TFRC: variants seen among roughly 807,000 people sequenced by gnomAD.
The protein encoded by TFRC is transferrin receptor.
In TFRC, 35 loss-of-function variants were observed where a neutral mutation model predicts 85.8. The observed-to-expected ratio is 0.41, with a 90% CI of 0.31 to 0.54. The LOEUF (loss-of-function observed/expected upper bound fraction) is 0.54. Ranked by LOEUF, TFRC falls within the 20% of genes least tolerant of loss-of-function variation. The probability of loss-of-function intolerance (pLI) is 0.31; values close to 1 mark genes in which losing one functional copy is unlikely to be tolerated. For synonymous variants in TFRC, 362 were observed against 328.6 expected, an observed-to-expected ratio of 1.10 and a Z score of -1.10; for missense variants, 828 against 921.5, an observed-to-expected ratio of 0.90 and a Z score of 1.31.
chr3:196,053,813 G>T (rs1389588254), intron 17 of TFRC, among the ~76,000 whole-genome samples: 1 of 152,138 alleles, frequency 6.6e-6, no homozygotes, highest in Non-Finnish European at 1.5e-5. Context: ...GTACTATATT[G>T]TTTCCAGTTC....
chr3:196,065,380 C>T (rs1221092777), intron 10 of TFRC, 63 bp downstream of exon 10: 1 of 1,055,918 alleles, frequency 9.5e-7, no homozygotes, highest in Non-Finnish European at 1.3e-6. Flanking sequence ...CTAGCCACAT[C>T]CTTAGGAACA....
Position 196,067,613 on chromosome 3 carries a change from G to A in TFRC, c.945C>T (p.Ser315=), listed in dbSNP as rs956503134. The A allele has an allele frequency of 1.2e-6, 2 of 1,614,130 alleles. No homozygotes were observed. The highest frequency in any genetic ancestry group is 2.2e-5 in the East Asian group (1 of 44,880). The part of the protein sequence containing the change: ...TGDPYTPGFP[S]FNHTQFPPSR... ...ATGGTGGAAACTGAGTGTGATTGAA[G>A]GAAGGGAATCCAGGTGTGTAAGGGT... The change falls in exon 9 of 19, where the codon TCC becomes TCT. Residue 315 remains serine, a synonymous_variant. Transcript: ENST00000360110.
intron 13 of TFRC, among the ~76,000 whole-genome samples, chr3:196,060,863 A>C (rs115797169): frequency 6.6e-6 from 1 of 151,442 alleles, no homozygotes; most frequent in African/African-American, 2.4e-5. Flanking sequence ...AAATTAAGAG[A>C]AAGGTACCTA....
Position 196,071,483 on chromosome 3 carries a change from C to T in TFRC, c.600G>A (p.Val200=), listed in dbSNP as rs1336925511. 3 of 1,614,062 alleles carry T rather than the reference C, an allele frequency of 1.9e-6. No homozygotes were observed. Among genetic ancestry groups the T allele is most frequent in the Non-Finnish European group, 2.5e-6 (3 of 1,179,970 alleles). The change falls in exon 6 of 19, where the codon GTG becomes GTA. Residue 200 remains valine (V), a synonymous_variant. Coordinates refer to ENST00000360110, the MANE Select transcript of TFRC (RefSeq NM_001128148.3). Reference sequence around the variant, plus strand: ...GTCTACCGTTCTTATCAACTATGATCACCGAGTTTTGAGCGCTGTTAAAAA... The same window carrying T: ...GTCTACCGTTCTTATCAACTATGATTACCGAGTTTTGAGCGCTGTTAAAAA... ...IQVKDSAQNS[V]IIVDKNGRLV...
In TFRC at chr3:196,051,823, G is replaced by T; in HGVS notation, c.*119C>A. 1.6e-6 allele frequency: 2 copies of T among 1,252,174 alleles called. No homozygotes were observed. The highest frequency in any genetic ancestry group is 2.2e-4 in the Middle Eastern group (1 of 4,514). The allele number at this position is 1,252,174 out of a possible 1,614,324, so 77.6% of individuals were successfully genotyped here. On this transcript the variant is annotated 3_prime_UTR_variant, in exon 19 of 19. Transcript: ENST00000360110. ...GCCTAAAGACATCTAGTAGTACCAA[G>T]ATGATGGGATGGAATTTTAACATCA...
Position 196,051,164 on chromosome 3 carries a change from T to C in TFRC, c.*778A>G, listed in dbSNP as rs1218527589. 3 of 216,346 alleles carry C rather than the reference T, an allele frequency of 1.4e-5. No homozygotes were observed. The highest frequency in any genetic ancestry group is 2.8e-5 in the Non-Finnish European group (3 of 107,210). The allele number at this position is 216,346 out of a possible 1,614,324, so 13.4% of individuals were successfully genotyped here. A position where few individuals can be genotyped will look rare whatever the true frequency, so the allele number is the denominator to read the frequency against. ...ATTCTTTAAAGTCTGACAAACTGAGTCTGCAACTAAACACCTGAAACTGGT... is the reference window on the plus strand; with the variant it reads ...ATTCTTTAAAGTCTGACAAACTGAGCCTGCAACTAAACACCTGAAACTGGT... On this transcript the variant is annotated 3_prime_UTR_variant, in exon 19 of 19. Coordinates refer to ENST00000360110, the MANE Select transcript of TFRC (RefSeq NM_001128148.3).
intron 3 of TFRC, 109 bp downstream of exon 3, chr3:196,075,050 A>AC (rs1445518269): frequency 1.2e-6 from 1 of 831,312 alleles, no homozygotes; most frequent in Admixed American, 3.4e-5. Context: ...TGTCTCCAAA[A>AC]AAAAAAAAAA....
At chr3:196,067,986 C>T (rs1487858855) in intron 8 of TFRC, 46 bp downstream of exon 8, 2 of 1,496,492 alleles carry the variant, frequency 1.3e-6, no homozygotes, top group Admixed American at 3.6e-5. Flanking sequence ...AATCCAAGAA[C>T]AACTCAAGGA....
chr3:196,072,837 A>G (rs1256677426), intron 4 of TFRC: 1 of 152,116 alleles, frequency 6.6e-6, no homozygotes, highest in Admixed American at 6.5e-5. Flanking sequence ...CAGCTCTTTT[A>G]GAATTTGTCT....
rs1386871283 is a variant in TFRC, at chr3:196,050,548, T to C, written c.*1394A>G. 9.8e-6 allele frequency: 2 copies of C among 203,756 alleles called. No homozygotes were observed. Among genetic ancestry groups the C allele is most frequent in the African/African-American group, 4.6e-5 (2 of 43,658 alleles). The allele number at this position is 203,756 out of a possible 1,614,324, so 12.6% of individuals were successfully genotyped here. On this transcript the variant is annotated 3_prime_UTR_variant, in exon 19 of 19. Coordinates refer to ENST00000360110, the MANE Select transcript of TFRC (RefSeq NM_001128148.3). The stretch of plus-strand genomic sequence containing the variant: ...ACTGTCTCCGATACAGACACTGTGG[T>C]AGGTAAAAACTACCTTGTTCTTTAT...
intron 16 of TFRC, 165 bp from the exon 17 acceptor site, chr3:196,055,466 T>C (rs1716702803): frequency 1.6e-6 from 1 of 630,768 alleles, no homozygotes. Context: ...CTGCTTTAAG[T>C]ACATTCTTGC....
intron 17 of TFRC, among the ~76,000 whole-genome samples, chr3:196,054,054 T>C (rs1716568170): frequency 6.6e-6 from 1 of 152,004 alleles, no homozygotes; most frequent in Non-Finnish European, 1.5e-5. Context: ...CTGGCCAACA[T>C]GGTAAAACCC....
At chr3:196,080,323 C>T (rs564201863) in intron 1 of TFRC, among the ~76,000 whole-genome samples, 34 of 152,326 alleles carry the variant, frequency 2.2e-4, no homozygotes, top group Admixed American at 8.5e-4. Flanking sequence ...AGGCTAGTCT[C>T]GAACTCCTCA....
chr3:196,060,594 C>G (rs1717192673), intron 13 of TFRC: 1 of 191,732 alleles, frequency 5.2e-6, no homozygotes, highest in East Asian at 1.5e-4. Context: ...GTCAGGAGAT[C>G]GAGACCATCT....
chr3:196,062,504 G>C (rs766143313), intron 13 of TFRC, 78 bp downstream of exon 13: 1 of 1,323,552 alleles, frequency 7.6e-7, no homozygotes, highest in Non-Finnish European at 1.1e-6. Context: ...TTGCACTCCA[G>C]CCTGGGCGAC....
At chr3:196,061,074 G>A (rs1268132225) in intron 13 of TFRC, among the ~76,000 whole-genome samples, 1 of 152,092 alleles carries the variant, frequency 6.6e-6, no homozygotes, top group Non-Finnish European at 1.5e-5. Flanking sequence ...CCCCCATGTA[G>A]ACATTTCACT....
chr3:196,074,129 A>C lies in TFRC; in HGVS notation c.239-4T>G. On this transcript the variant is annotated splice_region_variant and splice_polypyrimidine_tract_variant and intron_variant, in intron 3 of 18. Transcript: ENST00000360110. ...CCCAAGTAGCCAATCATAAATCCTA[A>C]AGAGACAAAGTTCCAGAGCTGAACT... is the stretch of plus-strand genomic sequence containing the variant. The C allele has an allele frequency of 6.2e-7, 1 of 1,607,354 alleles. No homozygotes were observed. Among genetic ancestry groups the C allele is most frequent in the Non-Finnish European group, 8.5e-7 (1 of 1,175,886 alleles).
intron 3 of TFRC, among the ~76,000 whole-genome samples, chr3:196,074,663 G>C (rs899020945): frequency 6.6e-6 from 1 of 151,902 alleles, no homozygotes; most frequent in South Asian, 2.1e-4. Context: ...GGCAGATCAC[G>C]AGGTCAGGAG....
chr3:196,063,052 A>G (rs1407916907), intron 11 of TFRC, 113 bp from the exon 12 acceptor site: 4 of 733,294 alleles, frequency 5.5e-6, no homozygotes, highest in Non-Finnish European at 8.3e-6. Context: ...GCAGATTCCA[A>G]AATCTTTTTT....
Sources: gnomAD v4.1 joint callset for allele counts (sites outside exome capture counted in the v4.1 genomes callset) on GRCh38, gnomAD v4.1.1 for gene constraint, MANE v1.5 for transcripts, NCBI Gene and HGNC (gene_info 2026-07-23, HGNC 2026-07-21) for gene names.